The following AP2B1 variants were observed in gnomAD, a reference collection of about 807,000 sequenced individuals.
AP2B1 encodes AP-2 complex subunit beta.
AP2B1 carries 23 observed loss-of-function variants against 102.0 expected under a neutral mutation model. The observed-to-expected ratio is 0.23, with a 90% CI of 0.16 to 0.32. The LOEUF (loss-of-function observed/expected upper bound fraction) is 0.32, where lower values mean the gene tolerates loss of function less well. Among genes scored for constraint, AP2B1 ranks in the 10% least tolerant of loss-of-function variants. The pLI is 1.00. For missense variants in AP2B1, 541 were observed against 1,157.4 expected (o/e 0.47, Z 7.73); for synonymous variants, 381 against 421.2 (o/e 0.90, Z 1.17).
intron 3 of AP2B1, among the ~76,000 whole-genome samples, chr17:35,604,308 T>C (rs140158403): frequency 0.015 from 2,262 of 152,162 alleles, 41 homozygotes; most frequent in African/African-American, 0.048. Flanking sequence ...GAGGTCTCAC[T>C]ATGTTGCCCA....
intron 14 of AP2B1, chr17:35,659,932 A>G (rs2075320361): frequency 1.0e-6 from 1 of 985,428 alleles, no homozygotes; most frequent in Non-Finnish European, 1.2e-6. Context: ...AGAACATCAC[A>G]AGGAAGACCT....
intron 18 of AP2B1, among the ~76,000 whole-genome samples, chr17:35,702,250 G>T (rs2076253451): frequency 6.6e-6 from 1 of 152,216 alleles, no homozygotes; most frequent in Non-Finnish European, 1.5e-5. Flanking sequence ...TGGAGGTTGG[G>T]TGGTACAGTT....
rs2075297838 is a variant in AP2B1, at chr17:35,658,964, G to A, written c.1989+1173G>A. Among the ~76,000 whole-genome samples, 3 of 152,312 alleles carry A rather than the reference G, an allele frequency of 2.0e-5. No individual in the cohort carries two copies. The South Asian group carries it at 6.2e-4, about 32-fold the overall frequency. On this transcript the variant is annotated intron_variant, in intron 14 of 21. Coordinates refer to ENST00000610402, the MANE Select transcript of AP2B1 (RefSeq NM_001030006.2). ...CTAGAATTTATACATTGACCAAGCT[G>A]TGGACTCCAGCTTATATTGACACAA...
chr17:35,690,897 A>G (rs1305553609), intron 18 of AP2B1, among the ~76,000 whole-genome samples: 2 of 152,030 alleles, frequency 1.3e-5, no homozygotes, highest in Non-Finnish European at 2.9e-5. Context: ...GCACCTTAAC[A>G]TTTTTTCTTT....
chr17:35,716,105 G>C (rs1483764552), intron 20 of AP2B1, among the ~76,000 whole-genome samples: 1 of 152,180 alleles, frequency 6.6e-6, no homozygotes, highest in Non-Finnish European at 1.5e-5. Context: ...TGTTCAGAGA[G>C]CTTACCATTT....
chr17:35,660,703 C>T (rs573669400), intron 14 of AP2B1, among the ~76,000 whole-genome samples: 134 of 152,082 alleles, frequency 8.8e-4, no homozygotes, highest in Non-Finnish European at 1.7e-3. Flanking sequence ...AGGCTGGTCT[C>T]GAACTCCTGA....
intron 5 of AP2B1, among the ~76,000 whole-genome samples, chr17:35,611,499 A>G (rs987820368): frequency 3.9e-5 from 6 of 152,180 alleles, no homozygotes; most frequent in Non-Finnish European, 8.8e-5. Flanking sequence ...GCACGTGCGC[A>G]CACACACTCA....
chr17:35,710,184 A>C, intron 19 of AP2B1, 50 bp from the exon 20 acceptor site: 1 of 1,339,682 alleles, frequency 7.5e-7, no homozygotes, highest in East Asian at 2.3e-5. Flanking sequence ...GAAAATCAGA[A>C]TACTGACAGC....
chr17:35,616,139 T>G (rs966785522), intron 5 of AP2B1, among the ~76,000 whole-genome samples: 3 of 137,138 alleles, frequency 2.2e-5, no homozygotes, highest in African/African-American at 8.1e-5. Context: ...TTAAAAAATA[T>G]CTCTTTTTTT....
chr17:35,696,856 T>C (rs770349400), intron 18 of AP2B1, among the ~76,000 whole-genome samples: 18 of 152,148 alleles, frequency 1.2e-4, no homozygotes, highest in Admixed American at 5.9e-4. Flanking sequence ...GGAACAGCAG[T>C]TTTTGTCTAT....
chr17:35,694,408 T>A (rs2143000035), intron 18 of AP2B1, among the ~76,000 whole-genome samples: 1 of 78,544 alleles, frequency 1.3e-5, no homozygotes. Context: ...CACACCTAGC[T>A]GACTTTTTTT....
At chr17:35,718,180 TGTGACCC>T (rs1382127013) in intron 21 of AP2B1, among the ~76,000 whole-genome samples, 1 of 152,200 alleles carries the variant, frequency 6.6e-6, no homozygotes, top group Non-Finnish European at 1.5e-5. Flanking sequence ...GAGAAAACTC[TGTGACCC>T]GTTCCTTAAT....
intron 3 of AP2B1, among the ~76,000 whole-genome samples, chr17:35,605,065 T>C (rs1299668000): frequency 6.6e-6 from 1 of 151,922 alleles, no homozygotes; most frequent in Non-Finnish European, 1.5e-5. Context: ...CCACCACACC[T>C]AGCTTTTTAA....
chr17:35,617,254 C>T (rs2074049911), intron 5 of AP2B1, among the ~76,000 whole-genome samples: 1 of 152,144 alleles, frequency 6.6e-6, no homozygotes, highest in Non-Finnish European at 1.5e-5. Flanking sequence ...CAGGGTTTCA[C>T]CATGTTGGCC....
chr17:35,614,274 T>G (rs1299329646), intron 5 of AP2B1, among the ~76,000 whole-genome samples: 1 of 152,174 alleles, frequency 6.6e-6, no homozygotes, highest in Non-Finnish European at 1.5e-5. Flanking sequence ...CATAGCTCAG[T>G]GCAGCCTCAA....
chr17:35,662,527 G>A (rs1268536796), intron 14 of AP2B1, among the ~76,000 whole-genome samples: 1 of 120,736 alleles, frequency 8.3e-6, no homozygotes, highest in Non-Finnish European at 1.7e-5. Context: ...TTTGGGTTTG[G>A]GTTTGTTTTT....
chr17:35,715,137 C>T (rs2076528313), intron 20 of AP2B1, among the ~76,000 whole-genome samples: 1 of 152,180 alleles, frequency 6.6e-6, no homozygotes. Flanking sequence ...TTATGGAACC[C>T]TCTCTCTAGT....
Position 35,726,364 on chromosome 17 carries a change from G to A in AP2B1, c.*2665G>A, listed in dbSNP as rs1237693510. 6.6e-6 allele frequency: 1 copy of A among 151,968 alleles called. No individual in the cohort carries two copies. The highest frequency in any genetic ancestry group is 1.9e-4 in the East Asian group (1 of 5,190). The allele number at this position is 151,968 out of a possible 1,614,324, so 9.4% of individuals were successfully genotyped here. ...CTGTTTTTCGGGAGGGTGGGGGTTG[G>A]GGGAAGCTTGACCTTGTGTCTTCGT... On this transcript the variant is annotated 3_prime_UTR_variant, in exon 22 of 22. Transcript: ENST00000610402.
intron 1 of AP2B1, among the ~76,000 whole-genome samples, chr17:35,591,035 G>A (rs1488657785): frequency 2.6e-5 from 4 of 152,050 alleles, no homozygotes; most frequent in East Asian, 1.9e-4. Flanking sequence ...TTAGCTGGGC[G>A]TGGTAGTGGG....
Sources: allele counts gnomAD v4.1 joint callset (sites outside exome capture counted in the v4.1 genomes callset), GRCh38; gene constraint gnomAD v4.1.1; transcripts MANE v1.5; gene names NCBI Gene and HGNC (gene_info 2026-07-23, HGNC 2026-07-21).